Variants in RGS5 observed in about 807,000 individuals in gnomAD.
RGS5 encodes regulator of G protein signaling 5, also known as regulator of G-protein signalling 5.
RGS5 carries 20 observed loss-of-function variants against 18.9 expected under a neutral mutation model. The ratio of observed to expected loss-of-function variants is 1.06; its 90% CI spans 0.74 to 1.54. The LOEUF (loss-of-function observed/expected upper bound fraction) is 1.54, where lower values mean the gene tolerates loss of function less well. Among genes scored for constraint, RGS5 ranks in the 40% most tolerant of loss-of-function variants. The probability of loss-of-function intolerance (pLI) is 0.00; values close to 1 mark genes in which losing one functional copy is unlikely to be tolerated. For missense variants in RGS5, 201 were observed against 211.8 expected (o/e 0.95, Z 0.32); for synonymous variants, 57 against 76.2 (o/e 0.75, Z 1.31).
chr1:163,277,302 A>G (rs1648881925), intron 2 of RGS5, among the ~76,000 whole-genome samples: 1 of 152,218 alleles, frequency 6.6e-6, no homozygotes. Context: ...ATGTCTCTCT[A>G]AAATGCATAA....
At chr1:163,293,869 T>A (rs558682359) in intron 2 of RGS5, among the ~76,000 whole-genome samples, 2 of 152,296 alleles carry the variant, frequency 1.3e-5, no homozygotes, top group East Asian at 3.9e-4. Context: ...TGTTTATAAG[T>A]CTGAAACCTG....
intron 1 of RGS5, among the ~76,000 whole-genome samples, chr1:163,319,597 C>T (rs1306359986): frequency 1.3e-5 from 2 of 152,114 alleles, no homozygotes; most frequent in Non-Finnish European, 2.9e-5. Flanking sequence ...TCCAGTGTTT[C>T]CAGCTAAGAA....
intron 2 of RGS5, among the ~76,000 whole-genome samples, chr1:163,294,188 C>T (rs905253545): frequency 1.3e-5 from 2 of 152,204 alleles, no homozygotes; most frequent in African/African-American, 4.8e-5. Context: ...TCCAACCCCC[C>T]ATTTCCTTTC....
At chr1:163,190,523 G>A (rs1659299991) in intron 1 of RGS5, among the ~76,000 whole-genome samples, 1 of 152,152 alleles carries the variant, frequency 6.6e-6, no homozygotes, top group Non-Finnish European at 1.5e-5. Context: ...ATACCAGCAG[G>A]GAGCCCCTTT....
chr1:163,199,931 A>G (rs1336360343), intron 1 of RGS5, among the ~76,000 whole-genome samples: 1 of 152,050 alleles, frequency 6.6e-6, no homozygotes, highest in Non-Finnish European at 1.5e-5. Flanking sequence ...TTAGCCTCCC[A>G]AAGTGCGAGG....
At chr1:163,266,722 G>A (rs1194385492) in intron 2 of RGS5, 1 of 151,834 alleles carries the variant, frequency 6.6e-6, no homozygotes, top group Non-Finnish European at 1.5e-5. Context: ...TCCTTGTCTG[G>A]ACTTATTTCA....
In RGS5 at chr1:163,172,463, T is replaced by TA. The variant is rs930156048; in HGVS notation, c.45-4096dup. ...TATTTTATCTATATCACTGCTTAAATAGAGTTTTTTGTGGAATGATCTAGA... is the reference window on the plus strand; with the variant it reads ...TATTTTATCTATATCACTGCTTAAATAAGAGTTTTTTGTGGAATGATCTAGA... On this transcript the variant is annotated intron_variant, in intron 1 of 4. Transcript: ENST00000313961. 6.3e-5 allele frequency: 87 copies of TA among 1,388,214 alleles called. No homozygotes were observed. The African/African-American group carries it at 1.1e-3, about 18-fold the overall frequency. 86.0% of individuals were successfully genotyped at this position (1,388,214 alleles called of 1,614,324 possible). A position where few individuals can be genotyped will look rare whatever the true frequency, so the allele number is the denominator to read the frequency against.
At chr1:163,217,055 G>A (rs1367723532) in intron 1 of RGS5, among the ~76,000 whole-genome samples, 1 of 152,070 alleles carries the variant, frequency 6.6e-6, no homozygotes, top group East Asian at 1.9e-4. Context: ...AACACAAAGA[G>A]GGGAACAACA....
intron 2 of RGS5, among the ~76,000 whole-genome samples, chr1:163,241,293 G>C (rs569816486): frequency 6.6e-6 from 1 of 152,074 alleles, no homozygotes; most frequent in African/African-American, 2.4e-5. Context: ...ATGGTGCTTG[G>C]CACAGAGCAG....
intron 2 of RGS5, among the ~76,000 whole-genome samples, chr1:163,282,944 T>C (rs894470886): frequency 1.3e-5 from 2 of 152,234 alleles, no homozygotes; most frequent in East Asian, 3.9e-4. Flanking sequence ...AATGGAATAC[T>C]ATCCAGCCAT....
intron 3 of RGS5, among the ~76,000 whole-genome samples, chr1:163,155,069 C>T (rs2102386129): frequency 6.6e-6 from 1 of 152,094 alleles, no homozygotes; most frequent in East Asian, 1.9e-4. Context: ...TTTTAGCTTC[C>T]AGGAAATGAA....
intron 1 of RGS5, among the ~76,000 whole-genome samples, chr1:163,172,101 G>T (rs372843752): frequency 3.3e-5 from 5 of 152,156 alleles, no homozygotes; most frequent in Middle Eastern, 3.2e-3. Flanking sequence ...ACTGCAAGAG[G>T]GTGAAATGTG....
Position 163,152,647 on chromosome 1 carries a change from G to T in RGS5, c.287C>A (p.Ala96Asp). 2.5e-6 allele frequency: 4 copies of T among 1,612,392 alleles called. No homozygotes were observed. The highest frequency in any genetic ancestry group is 2.5e-6 in the Non-Finnish European group (3 of 1,179,080). Residue 96 changes from alanine (A) to aspartate (D), a missense_variant, in exon 4 of 5, where the codon GCC becomes GAC. Physicochemically the swap from Ala to Asp is moderately radical, Grantham distance 126. Transcript: ENST00000313961. ...CTTGATCTTCTTGTAATCCTCACAG[G>T]CAATCCAGAACTCAAGGTTTTCCTC... Reference protein sequence around the residue: ...FSEENLEFWIACEDYKKIKSP... With the variant: ...FSEENLEFWIDCEDYKKIKSP...
chr1:163,189,297 C>T (rs553550618), intron 1 of RGS5, among the ~76,000 whole-genome samples: 1 of 152,132 alleles, frequency 6.6e-6, no homozygotes, highest in African/African-American at 2.4e-5. Context: ...CTAATAAAAA[C>T]GATAAGAGTA....
chr1:163,252,164 C>T (rs1648127829), intron 2 of RGS5, among the ~76,000 whole-genome samples: 1 of 152,142 alleles, frequency 6.6e-6, no homozygotes, highest in Admixed American at 6.5e-5. Flanking sequence ...CTTCCCAACA[C>T]TTGGTATTGC....
intron 2 of RGS5, among the ~76,000 whole-genome samples, chr1:163,294,001 C>T (rs1281527098): frequency 6.6e-6 from 1 of 152,204 alleles, no homozygotes; most frequent in African/African-American, 2.4e-5. Flanking sequence ...GCCTCTGTGG[C>T]TCTGCAGAGT....
chr1:163,274,832 G>C (rs1056464684), intron 2 of RGS5, among the ~76,000 whole-genome samples: 1 of 152,136 alleles, frequency 6.6e-6, no homozygotes, highest in Admixed American at 6.5e-5. Context: ...AGGTGGCCTG[G>C]TATCACTTAC....
At chr1:163,223,639 C>CT (rs1195620315) in intron 2 of RGS5, among the ~76,000 whole-genome samples, 1 of 152,106 alleles carries the variant, frequency 6.6e-6, no homozygotes, top group Non-Finnish European at 1.5e-5. Context: ...CACCAAATAC[C>CT]TTTTTAGCAC....
At chr1:163,208,517 T>TAAAA (rs1660013627) in intron 1 of RGS5, among the ~76,000 whole-genome samples, 1 of 9,610 alleles carries the variant, frequency 1.0e-4, no homozygotes, top group Non-Finnish European at 2.8e-4. Flanking sequence ...TCCACCTCCA[T>TAAAA]TAAAAAAAAA....
Sources: gnomAD v4.1 joint callset for allele counts (sites outside exome capture counted in the v4.1 genomes callset) on GRCh38, gnomAD v4.1.1 for gene constraint, MANE v1.5 for transcripts, NCBI Gene and HGNC (gene_info 2026-07-23, HGNC 2026-07-21) for gene names.